Variants in RPS3 observed in about 807,000 individuals in gnomAD.
RPS3 encodes small ribosomal subunit protein uS3.
RPS3 carries 2 observed loss-of-function variants against 25.8 expected under a neutral mutation model. That is an observed-to-expected ratio of 0.08 (90% CI 0.03 to 0.24). The LOEUF is 0.24. Among genes scored for constraint, RPS3 ranks in the 10% least tolerant of loss-of-function variants. The pLI, the probability that RPS3 is intolerant of heterozygous loss-of-function variation, is 1.00. For synonymous variants in RPS3, 114 were observed against 114.2 expected, an observed-to-expected ratio of 1.00 and a Z score of 0.01; for missense variants, 107 against 307.1, an observed-to-expected ratio of 0.35 and a Z score of 4.87.
chr11:75,411,469 A>G (rs1948355516), downstream of RPS3, among the ~76,000 whole-genome samples: 1 of 152,020 alleles, frequency 6.6e-6, no homozygotes, highest in Non-Finnish European at 1.5e-5. Context: ...GGCTCACTGC[A>G]AGCTCCACCT....
At chr11:75,407,153 T>G (rs1948297480), downstream of RPS3, among the ~76,000 whole-genome samples, 1 of 152,238 alleles carries the variant, frequency 6.6e-6, no homozygotes, top group African/African-American at 2.4e-5. Flanking sequence ...TTTTTTATTT[T>G]TTGAGGTGGA....
chr11:75,404,439 G>C lies in RPS3; in HGVS notation c.538+232G>C. 1.3e-6 allele frequency: 1 copy of C among 785,912 alleles called. No individual in the cohort carries two copies. The highest frequency in any genetic ancestry group is 1.7e-5 in the African/African-American group (1 of 59,548). 48.7% of individuals were successfully genotyped at this position (785,912 alleles called of 1,614,324 possible). On this transcript the variant is annotated intron_variant, in intron 5 of 6. Transcript: ENST00000531188. This position sits in a 1 kb window ranked among gnomAD's most constrained non-coding sequence, Gnocchi z 4.6. ...GTGTACCCTTCAGTGATGACACGAT[G>C]ACGAGTCAGAAAGGTCACGTCCTGC...
At chr11:75,405,062 A>G (rs980809840) in intron 6 of RPS3, 194 bp downstream of exon 6, 78 of 434,104 alleles carry the variant, frequency 1.8e-4, no homozygotes, top group African/African-American at 1.4e-3. Flanking sequence ...TGTTGCCTTT[A>G]TTCTTTCCAG....
intron 1 of RPS3, chr11:75,400,003 G>A (rs1226866214): frequency 3.6e-6 from 1 of 278,568 alleles, no homozygotes; most frequent in Admixed American, 5.0e-5. Context: ...TTGAAGGGTT[G>A]CTGACGGTTG....
At chr11:75,403,645 T>C (rs1445449399) in intron 4 of RPS3, 2 of 164,414 alleles carry the variant, frequency 1.2e-5, no homozygotes, top group African/African-American at 4.8e-5. Flanking sequence ...TAAATGTGGT[T>C]CTCAGTTTTG....
intron 2 of RPS3, among the ~76,000 whole-genome samples, chr11:75,401,112 G>T (rs1030943731): frequency 6.6e-6 from 1 of 152,158 alleles, no homozygotes; most frequent in Admixed American, 6.6e-5. Flanking sequence ...TGGATCTCCT[G>T]ACCTCGTGAT....
At chr11:75,411,468 C>T (rs1948355502), downstream of RPS3, among the ~76,000 whole-genome samples, 1 of 152,164 alleles carries the variant, frequency 6.6e-6, no homozygotes, top group Admixed American at 6.5e-5. Flanking sequence ...CGGCTCACTG[C>T]AAGCTCCACC....
At chr11:75,401,887 C>G in intron 3 of RPS3, 154 bp downstream of exon 3, 2 of 606,120 alleles carry the variant, frequency 3.3e-6, no homozygotes, top group Non-Finnish European at 6.0e-6. Flanking sequence ...ACTTTGTAAG[C>G]CTATTCTGCT....
downstream of RPS3, among the ~76,000 whole-genome samples, chr11:75,408,238 C>T (rs1235143206): frequency 6.6e-6 from 1 of 152,172 alleles, no homozygotes; most frequent in African/African-American, 2.4e-5. Context: ...TGTGGTGGCT[C>T]ACACCTGGAA....
chr11:75,410,077 C>G (rs1200031022), downstream of RPS3, among the ~76,000 whole-genome samples: 2 of 141,936 alleles, frequency 1.4e-5, no homozygotes, highest in Non-Finnish European at 3.0e-5. Flanking sequence ...GCTGACCCCC[C>G]CCTCCCCCCT....
At chr11:75,418,816 G>C (rs1408109611) in intron 6 of RPS3, among the ~76,000 whole-genome samples, 1 of 152,156 alleles carries the variant, frequency 6.6e-6, no homozygotes, top group Non-Finnish European at 1.5e-5. Context: ...AGCCTGCCCA[G>C]GTACAGCTGG....
chr11:75,405,062 ATTC>A (rs1414743320), intron 6 of RPS3, 194 bp downstream of exon 6: 4 of 434,222 alleles, frequency 9.2e-6, no homozygotes, highest in South Asian at 1.4e-4. Flanking sequence ...TGTTGCCTTT[ATTC>A]TTTCCAGAAA....
At position 75,416,458 on chromosome 11, in the gene RPS3, C is replaced by CTTTTTTTTTTTT. The variant is rs72030839; in HGVS notation, c.*4-5268_*4-5267insTTTTTTTTTTTT. Among the ~76,000 whole-genome samples, 7 of 125,988 alleles carry CTTTTTTTTTTTT rather than the reference C, an allele frequency of 5.6e-5. 1 individual carries two copies. The highest frequency in any genetic ancestry group is 4.7e-5 in the Non-Finnish European group (3 of 63,282). The allele number at this position is 125,988 out of a possible 152,430, so 82.7% of individuals were successfully genotyped here. A position where few individuals can be genotyped will look rare whatever the true frequency, so the allele number is the denominator to read the frequency against. On this transcript the variant is annotated intron_variant, in intron 6 of 6. Coordinates refer to the RPS3 transcript ENST00000527446. The stretch of plus-strand genomic sequence containing the variant: ...GTTCCATTTTCCATCTTGATTATTT[C>CTTTTTTTTTTTT]TATTTTTTTTTTTTTTTTTTGAGAC...
downstream of RPS3, among the ~76,000 whole-genome samples, chr11:75,411,317 C>G (rs747046593): frequency 2.7e-5 from 4 of 150,522 alleles, no homozygotes; most frequent in Admixed American, 1.3e-4. Context: ...TGGCATTTAC[C>G]TTGATTTTCA....
intron 4 of RPS3, 156 bp downstream of exon 4, chr11:75,402,602 G>A: frequency 1.4e-6 from 1 of 716,500 alleles, no homozygotes; most frequent in Non-Finnish European, 2.2e-6. Context: ...TCACTGAACT[G>A]GCAGGCTAAC....
intron 2 of RPS3, among the ~76,000 whole-genome samples, 163 bp downstream of exon 2, chr11:75,400,987 A>G (rs768300383): frequency 1.3e-5 from 2 of 152,082 alleles, no homozygotes; most frequent in Admixed American, 6.5e-5. Flanking sequence ...GGTTCACGCC[A>G]TTCTCCTGCG....
chr11:75,400,072 C>T (rs1336863725), intron 1 of RPS3, among the ~76,000 whole-genome samples: 1 of 152,178 alleles, frequency 6.6e-6, no homozygotes, highest in Non-Finnish European at 1.5e-5. Context: ...CTTGTCATTA[C>T]ATGGGATAGA....
At chr11:75,419,922 A>G (rs543522939) in intron 6 of RPS3, among the ~76,000 whole-genome samples, 1 of 152,190 alleles carries the variant, frequency 6.6e-6, no homozygotes, top group African/African-American at 2.4e-5. Flanking sequence ...TCATTTTTTT[A>G]AAAAATAAAT....
chr11:75,419,847 T>A (rs1482561992), intron 6 of RPS3, among the ~76,000 whole-genome samples: 1 of 152,170 alleles, frequency 6.6e-6, no homozygotes, highest in African/African-American at 2.4e-5. Flanking sequence ...TTAGCCAGGC[T>A]GGTCTTGAAC....
Sources: gnomAD v4.1 joint callset for allele counts (sites outside exome capture counted in the v4.1 genomes callset) on GRCh38, gnomAD v4.1.1 for gene constraint, Gnocchi (gnomAD v3.1) non-coding constraint, MANE v1.5 for transcripts, NCBI Gene and HGNC (gene_info 2026-07-23, HGNC 2026-07-21) for gene names.